Variants in PIGH observed in about 807,000 individuals in gnomAD.
PIGH encodes the protein phosphatidylinositol N-acetylglucosaminyltransferase subunit H.
PIGH carries 11 observed loss-of-function variants against 20.1 expected under a neutral mutation model. The ratio of observed to expected loss-of-function variants is 0.55; its 90% CI spans 0.34 to 0.91. The LOEUF (loss-of-function observed/expected upper bound fraction) is 0.91. Ranked by LOEUF, PIGH falls within the 40% of genes least tolerant of loss-of-function variation. The pLI, the probability that PIGH is intolerant of heterozygous loss-of-function variation, is 0.02. For missense variants in PIGH, 189 were observed against 233.6 expected (o/e 0.81, Z 1.24); for synonymous variants, 72 against 93.1 (o/e 0.77, Z 1.31).
chr14:67,599,993 C>T, intron 1 of PIGH, 31 bp downstream of exon 1: 2 of 1,527,364 alleles, frequency 1.3e-6, no homozygotes, highest in Non-Finnish European at 1.8e-6. Flanking sequence ...CCCCCTCCTT[C>T]GAGCGCGGGG....
rs536393127 is a variant in PIGH, at chr14:67,592,398, A to C, written c.474+237T>G. ...GAGGCTGCAATGAGTGGTGATTGTC[A>C]CTGCACTCCAGCCTAGGTGACAAAG... is the stretch of plus-strand genomic sequence containing the variant. On this transcript the variant is annotated intron_variant, in intron 3 of 3. Transcript: ENST00000216452. The C allele has an allele frequency of 3.9e-5, 19 of 491,270 alleles. 1 individual carries two copies. In the South Asian group the frequency reaches 4.2e-4, roughly 11 times the overall value. 30.4% of individuals were successfully genotyped at this position (491,270 alleles called of 1,614,324 possible). A position where few individuals can be genotyped will look rare whatever the true frequency, so the allele number is the denominator to read the frequency against.
rs1348443811 is a variant in PIGH, at chr14:67,600,086, A to C, written c.118T>G (p.Ser40Ala). The C allele has an allele frequency of 6.3e-7, 1 of 1,594,290 alleles. No individual in the cohort carries two copies. The highest frequency in any genetic ancestry group is 1.1e-5 in the South Asian group (1 of 88,100). ...ACCGTGCAGGTGACAGCGGTGAGCGAACGCAGCGAGAGCCGAGGGCAGCTG... is the reference window on the plus strand; with the variant it reads ...ACCGTGCAGGTGACAGCGGTGAGCGCACGCAGCGAGAGCCGAGGGCAGCTG... ...CLSCPRLSLRSLTAVTCTVWL... is the reference protein window; with the variant it reads ...CLSCPRLSLRALTAVTCTVWL... The change falls in exon 1 of 4, where the codon TCG (serine) becomes GCG (alanine). Residue 40 changes from serine to alanine, a missense_variant. Transcript: ENST00000216452.
In PIGH at chr14:67,600,015, T is replaced by C. The variant is rs760515826; in HGVS notation, c.180+9A>G. The C allele has an allele frequency of 2.1e-4, 327 of 1,551,292 alleles. No homozygotes were observed. The highest frequency in any genetic ancestry group is 2.7e-4 in the Non-Finnish European group (310 of 1,147,814). On this transcript the variant is annotated intron_variant, in intron 1 of 3. Coordinates refer to ENST00000216452, the MANE Select transcript of PIGH (RefSeq NM_004569.5). Reference sequence around the variant, plus strand: ...CTTCGAGCGCGGGGAGGGGCCGACTTGCCATTACCTCGCAGAGGGTGAAGA... The same window carrying C: ...CTTCGAGCGCGGGGAGGGGCCGACTCGCCATTACCTCGCAGAGGGTGAAGA...
chr14:67,597,028 G>A (rs994231049), intron 1 of PIGH, among the ~76,000 whole-genome samples: 2 of 152,138 alleles, frequency 1.3e-5, no homozygotes, highest in Non-Finnish European at 2.9e-5. Flanking sequence ...GTTAGATCAG[G>A]GATCTGTAAA....
chr14:67,589,696 T>C lies in PIGH; in HGVS notation c.*384A>G, dbSNP rs970701387. 5.0e-6 allele frequency: 5 copies of C among 996,046 alleles called. No individual in the cohort carries two copies. The highest frequency in any genetic ancestry group is 5.1e-4 in the Middle Eastern group (1 of 1,974). 61.7% of individuals were successfully genotyped at this position (996,046 alleles called of 1,614,324 possible). A position where few individuals can be genotyped will look rare whatever the true frequency, so the allele number is the denominator to read the frequency against. ...TCGTAACTTTACACAAGGGGTACTA[T>C]TGGAAAATATAGCTTTCTCAAGACA... On this transcript the variant is annotated 3_prime_UTR_variant, in exon 4 of 4. Coordinates refer to ENST00000216452, the MANE Select transcript of PIGH (RefSeq NM_004569.5).
chr14:67,595,492 C>A (rs997146733), intron 1 of PIGH, among the ~76,000 whole-genome samples: 3 of 152,196 alleles, frequency 2.0e-5, no homozygotes, highest in Non-Finnish European at 4.4e-5. Context: ...TAATAAACAG[C>A]CACCCACCAG....
At chr14:67,598,297 G>C (rs1033466118) in intron 1 of PIGH, among the ~76,000 whole-genome samples, 1 of 152,176 alleles carries the variant, frequency 6.6e-6, no homozygotes, top group Non-Finnish European at 1.5e-5. Context: ...GGTAAGCAGA[G>C]TACACCGGCA....
chr14:67,594,924 C>T (rs1315179462), intron 1 of PIGH, among the ~76,000 whole-genome samples: 4 of 152,076 alleles, frequency 2.6e-5, no homozygotes, highest in South Asian at 2.1e-4. Context: ...CCGAGGCGGG[C>T]GGATCACGAG....
chr14:67,589,607 T>C lies in PIGH; in HGVS notation c.*473A>G, dbSNP rs1159641581. 4.1e-6 allele frequency: 4 copies of C among 986,130 alleles called. No individual in the cohort carries two copies. Among genetic ancestry groups the C allele is most frequent in the South Asian group, 4.7e-5 (1 of 21,352 alleles). The allele number at this position is 986,130 out of a possible 1,614,324, so 61.1% of individuals were successfully genotyped here. On this transcript the variant is annotated 3_prime_UTR_variant, in exon 4 of 4. Coordinates refer to ENST00000216452, the MANE Select transcript of PIGH (RefSeq NM_004569.5). ...CCCTGTACAGAACACAGGCACTAGG[T>C]TGACAGACTCGTCTTTTGTAGGACA...
chr14:67,593,983 A>G (rs2036424589), intron 1 of PIGH, 31 bp from the exon 2 acceptor site: 4 of 1,479,076 alleles, frequency 2.7e-6, no homozygotes, highest in Admixed American at 1.8e-5. Flanking sequence ...AGACAGTAAG[A>G]TTACCAAGTG....
intron 1 of PIGH, among the ~76,000 whole-genome samples, chr14:67,596,028 G>A (rs1258633468): frequency 1.3e-5 from 2 of 152,182 alleles, no homozygotes; most frequent in Admixed American, 6.5e-5. Context: ...TTGATTCTAA[G>A]ACCAATGTAT....
At chr14:67,595,614 T>C (rs2036459238) in intron 1 of PIGH, among the ~76,000 whole-genome samples, 1 of 152,228 alleles carries the variant, frequency 6.6e-6, no homozygotes, top group Non-Finnish European at 1.5e-5. Flanking sequence ...AGGGGAGATC[T>C]GCTGGAGGGG....
In PIGH at chr14:67,589,922, G is replaced by T; in HGVS notation, c.*158C>A. 1 of 1,300,104 alleles carries T rather than the reference G, an allele frequency of 7.7e-7. No individual in the cohort carries two copies. Among genetic ancestry groups the T allele is most frequent in the Non-Finnish European group, 9.8e-7 (1 of 1,023,260 alleles). 80.5% of individuals were successfully genotyped at this position (1,300,104 alleles called of 1,614,324 possible). A position where few individuals can be genotyped will look rare whatever the true frequency, so the allele number is the denominator to read the frequency against. On this transcript the variant is annotated 3_prime_UTR_variant, in exon 4 of 4. Transcript: ENST00000216452. Reference sequence around the variant, plus strand: ...TAATACACGGAAATATACTGAGTTAGATTTCCAGTCACCTGCTCTATGGCT... The same window carrying T: ...TAATACACGGAAATATACTGAGTTATATTTCCAGTCACCTGCTCTATGGCT...
chr14:67,592,834 G>A, intron 2 of PIGH, 116 bp from the exon 3 acceptor site: 1 of 682,142 alleles, frequency 1.5e-6, no homozygotes, highest in South Asian at 1.8e-5. Flanking sequence ...TGCCCAAGCT[G>A]CAGTGCAGTG....
rs987308931 is a variant in PIGH at position 67,594,356 on chromosome 14, C to T, written c.181-404G>A. ...AGCATAAGACACTGTCTCTAAAAAT[C>T]GAAAGGACCCAGCCGAGTGAGGTGG... On this transcript the variant is annotated intron_variant, in intron 1 of 3. Coordinates refer to ENST00000216452, the MANE Select transcript of PIGH (RefSeq NM_004569.5). Among the ~76,000 whole-genome samples, 15 of 151,996 alleles carry T rather than the reference C, an allele frequency of 9.9e-5. No individual in the cohort carries two copies. The East Asian group carries it at 1.9e-3, about 20-fold the overall frequency.
At chr14:67,599,877 G>A (rs1051877218) in intron 1 of PIGH, 147 bp downstream of exon 1, 14 of 616,478 alleles carry the variant, frequency 2.3e-5, no homozygotes, top group Non-Finnish European at 3.4e-5. Flanking sequence ...GCGGAATATC[G>A]TCCCCAGAAC....
rs2036303665 is a variant in PIGH at position 67,589,554 on chromosome 14, A to G, written c.*526T>C. The G allele has an allele frequency of 3.0e-6, 3 of 985,456 alleles. No homozygotes were observed. The highest frequency in any genetic ancestry group is 3.6e-6 in the Non-Finnish European group (3 of 829,930). 61.0% of individuals were successfully genotyped at this position (985,456 alleles called of 1,614,324 possible). A position where few individuals can be genotyped will look rare whatever the true frequency, so the allele number is the denominator to read the frequency against. ...ACCAGGTAACTGTGTGTTTTGGAAGATCTGTTTATTAACAGTAAATAAATA... is the reference window on the plus strand; with the variant it reads ...ACCAGGTAACTGTGTGTTTTGGAAGGTCTGTTTATTAACAGTAAATAAATA... On this transcript the variant is annotated 3_prime_UTR_variant, in exon 4 of 4. Coordinates refer to ENST00000216452, the MANE Select transcript of PIGH (RefSeq NM_004569.5).
At position 67,592,698 on chromosome 14, in the gene PIGH, G is replaced by T. The variant is rs1555375418; in HGVS notation, c.411C>A (p.Leu137=). The change falls in exon 3 of 4, where the codon CTC becomes CTA. Residue 137 remains leucine, a synonymous_variant. Transcript: ENST00000216452. ...AIYMQKVIYY[L]CILLKDPVEP... ...CCACTGGATCTTTCAATAAGATGCA[G>T]AGGTAGTAAATCACCTTCTGCTGTA... The T allele has an allele frequency of 6.2e-7, 1 of 1,604,914 alleles. No individual in the cohort carries two copies. Among genetic ancestry groups the T allele is most frequent in the East Asian group, 2.2e-5 (1 of 44,834 alleles).
At chr14:67,599,772 G>T (rs7149859) in intron 1 of PIGH, among the ~76,000 whole-genome samples, 56,513 of 152,052 alleles carry the variant, frequency 0.37, 11,003 homozygotes, top group South Asian at 0.43. Context: ...GATGTATGCT[G>T]AGTGAACCCA....
Sources: gnomAD v4.1 joint callset for allele counts (sites outside exome capture counted in the v4.1 genomes callset) on GRCh38, gnomAD v4.1.1 for gene constraint, MANE v1.5 for transcripts, NCBI Gene and HGNC (gene_info 2026-07-23, HGNC 2026-07-21) for gene names.